Variants in IGFN1 observed in about 807,000 individuals in gnomAD.
The protein encoded by IGFN1 is immunoglobulin-like and fibronectin type III domain-containing protein 1.
A neutral mutation model predicts 289.5 loss-of-function variants in IGFN1; 253 were observed. The observed-to-expected ratio is 0.87, with a 90% confidence interval of 0.79 to 0.97. The LOEUF is 0.97. Among genes scored for constraint, IGFN1 ranks in the 50% least tolerant of loss-of-function variants. The pLI is 0.00. For missense variants in IGFN1, 4,470 were observed against 4,686.1 expected, an observed-to-expected ratio of 0.95 and a Z score of 1.35; for synonymous variants, 1,706 against 1,788.5, an observed-to-expected ratio of 0.95 and a Z score of 1.16.
chr1:201,211,690 C>G lies in IGFN1; in HGVS notation c.6797C>G (p.Thr2266Arg), dbSNP rs955257512. The G allele has an allele frequency of 9.1e-6, 14 of 1,536,844 alleles. No individual in the cohort carries two copies. The African/African-American group carries it at 1.9e-4, about 21-fold the overall frequency. The part of the protein sequence containing the change: ...APEEMGSGSY[T>R]DYRNGLGSSG... ...GAGGAAATGGGTTCAGGCAGTTACA[C>G]AGATTACAGGAATGGTTTAGGCAGT... Residue 2266 changes from threonine to arginine, a missense_variant, in exon 12 of 24, where the codon ACA (threonine) becomes AGA (arginine). This residue lies in a region of IGFN1 where 2,218 missense variants were observed against 2,114.1 expected (regional missense o/e 1.05). Coordinates refer to ENST00000335211, the MANE Select transcript of IGFN1 (RefSeq NM_001164586.2).
chr1:201,225,804 C>A lies in IGFN1; in HGVS notation c.10487-20C>A. On this transcript the variant is annotated intron_variant, in intron 21 of 23. Transcript: ENST00000335211. Reference sequence around the variant, plus strand: ...GCTGGGTCCCCTCCACGTGACCTCCCTCTGCCGTCTCTCCTGAAGCATGCC... The same window carrying A: ...GCTGGGTCCCCTCCACGTGACCTCCATCTGCCGTCTCTCCTGAAGCATGCC... The A allele has an allele frequency of 6.3e-7, 1 of 1,595,648 alleles. No homozygotes were observed. Among genetic ancestry groups the A allele is most frequent in the Non-Finnish European group, 8.5e-7 (1 of 1,172,364 alleles).
At position 201,195,809 on chromosome 1, in the gene IGFN1, A is replaced by G. The variant is rs746007570; in HGVS notation, c.128-30A>G. 1.3e-5 allele frequency: 20 copies of G among 1,542,036 alleles called. 1 individual carries two copies. In the South Asian group the frequency reaches 2.2e-4, roughly 17 times the overall value. On this transcript the variant is annotated intron_variant, in intron 3 of 23. Coordinates refer to ENST00000335211, the MANE Select transcript of IGFN1 (RefSeq NM_001164586.2). Reference sequence around the variant, plus strand: ...TACAGTCACCCTCTCCCAACTTGTCAGTCTCCCTACTCGTCTCTTCCTGCT... The same window carrying G: ...TACAGTCACCCTCTCCCAACTTGTCGGTCTCCCTACTCGTCTCTTCCTGCT...
intron 18 of IGFN1, among the ~76,000 whole-genome samples, chr1:201,219,433 T>C (rs1653561921): frequency 6.6e-6 from 1 of 152,158 alleles, no homozygotes; most frequent in South Asian, 2.1e-4. Context: ...CAGCAAAAAA[T>C]GTCTGTGATT....
chr1:201,215,562 G>A lies in IGFN1; in HGVS notation c.9019G>A (p.Val3007Met). The A allele has an allele frequency of 6.3e-7, 1 of 1,597,632 alleles. No homozygotes were observed. Among genetic ancestry groups the A allele is most frequent in the Non-Finnish European group, 8.5e-7 (1 of 1,171,580 alleles). Reference protein sequence around the residue: ...VQDSPTIAPDVTEKLREPLVV... With the variant: ...VQDSPTIAPDMTEKLREPLVV... ...AGATTCCCCTACCATTGCTCCAGAT[G>A]TGACAGAGAAACTGAGAGAGCCACT... Residue 3007 changes from valine to methionine, a missense_variant, in exon 15 of 24, where the codon GTG becomes ATG. Physicochemically the swap from Val to Met is conservative, Grantham distance 21. Transcript: ENST00000335211.
chr1:201,191,857 C>T (rs1270078437), intron 1 of IGFN1, among the ~76,000 whole-genome samples: 3 of 152,074 alleles, frequency 2.0e-5, no homozygotes, highest in Non-Finnish European at 4.4e-5. Flanking sequence ...GATAGCTGCT[C>T]GTGGTGATGA....
chr1:201,195,628 G>A (rs1205558683), intron 3 of IGFN1, among the ~76,000 whole-genome samples: 1 of 152,204 alleles, frequency 6.6e-6, no homozygotes, highest in East Asian at 1.9e-4. Flanking sequence ...TATAGAAAGA[G>A]GAAGCACTGC....
chr1:201,213,288 G>T lies in IGFN1; in HGVS notation c.8395G>T (p.Gly2799Trp). ...TCCTGGGGCCCTAAAGGAGGATGAA[G>T]GGCAGGGAGTGGAAGAGGCTGGGAG... ...QGPGALKEDE[G>W]QGVEEAGRSG... Residue 2799 changes from glycine to tryptophan, a missense_variant, in exon 12 of 24, where the codon GGG becomes TGG. Gly to Trp is a radical substitution (Grantham distance 184, BLOSUM62 -2). Around this residue, in one of 8 missense-constraint regions of IGFN1, gnomAD observed 2,218 missense variants for 2,114.1 expected, o/e 1.05. Coordinates refer to ENST00000335211, the MANE Select transcript of IGFN1 (RefSeq NM_001164586.2). 2 of 1,560,744 alleles carry T rather than the reference G, an allele frequency of 1.3e-6. No homozygotes were observed. Among genetic ancestry groups the T allele is most frequent in the Non-Finnish European group, 1.7e-6 (2 of 1,152,066 alleles).
rs917251097 is a variant in IGFN1, at chr1:201,212,321, T to A, written c.7428T>A (p.Pro2476=). The A allele has an allele frequency of 3.3e-6, 5 of 1,536,532 alleles. No individual in the cohort carries two copies. Among genetic ancestry groups the A allele is most frequent in the Admixed American group, 3.9e-5 (2 of 50,960 alleles). The change falls in exon 12 of 24, where the codon CCT becomes CCA. Residue 2476 remains proline (P), a synonymous_variant. Transcript: ENST00000335211. ...DLGGYGTSGI[P]EASEAAGAKG... ...GGGGCTATGGAACTTCAGGGATCCC[T>A]GAGGCCTCGGAGGCTGCTGGTGCCA...
intron 18 of IGFN1, among the ~76,000 whole-genome samples, chr1:201,219,600 C>A (rs950669373): frequency 5.3e-5 from 8 of 152,224 alleles, no homozygotes; most frequent in Admixed American, 4.6e-4. Context: ...TATTTCTCAT[C>A]CCCTAATCAG....
chr1:201,219,739 T>G (rs943244040), intron 18 of IGFN1, among the ~76,000 whole-genome samples: 1 of 152,226 alleles, frequency 6.6e-6, no homozygotes, highest in East Asian at 1.9e-4. Context: ...TCAGGCTGTT[T>G]GAATGAACCC....
At position 201,218,660 on chromosome 1, in the gene IGFN1, T is replaced by A; in HGVS notation, c.9898+2T>A. ...CTGTCTTTGCTCGGGACCCCATGAG[T>A]AAGTAGGGCACCAACCCAGGATGGG... On this transcript the variant is annotated splice_donor_variant, in intron 18 of 23. Transcript: ENST00000335211. LOFTEE classifies it high-confidence loss of function. 6.2e-7 allele frequency: 1 copy of A among 1,601,588 alleles called. No individual in the cohort carries two copies. Among genetic ancestry groups the A allele is most frequent in the Non-Finnish European group, 8.5e-7 (1 of 1,178,144 alleles).
chr1:201,199,451 C>A, intron 6 of IGFN1, 73 bp downstream of exon 6: 1 of 1,473,126 alleles, frequency 6.8e-7, no homozygotes, highest in South Asian at 1.2e-5. Context: ...TGTTCCCTGC[C>A]TGGTTGAGCT....
At chr1:201,228,362 A>G (rs767010035) in intron 23 of IGFN1, 24 bp from the exon 24 acceptor site, 3 of 1,613,664 alleles carry the variant, frequency 1.9e-6, no homozygotes, top group Admixed American at 3.3e-5. Flanking sequence ...CTCTGAACCA[A>G]CTGGAATATC....
chr1:201,199,636 G>C lies in IGFN1; in HGVS notation c.440G>C (p.Arg147Pro). The C allele has an allele frequency of 1.3e-6, 2 of 1,551,538 alleles. No individual in the cohort carries two copies. Among genetic ancestry groups the C allele is most frequent in the Middle Eastern group, 3.3e-4 (2 of 5,992 alleles). The change falls in exon 7 of 24, where the codon CGG becomes CCG. Residue 147 changes from arginine (R) to proline (P), a missense_variant. Arg to Pro is a moderately radical substitution (Grantham distance 103). Coordinates refer to ENST00000335211, the MANE Select transcript of IGFN1 (RefSeq NM_001164586.2). ...CTCAGGAAGGAGCTGATGGACTTCC[G>C]GAAGTTGCTGAAAAAGAGGTGGGTT... ...EDLRKELMDF[R>P]KLLKKRAPPA... is the part of the protein sequence containing the mutation.
At chr1:201,191,081 T>G (rs1666639894) in intron 1 of IGFN1, among the ~76,000 whole-genome samples, 174 bp downstream of exon 1, 1 of 152,176 alleles carries the variant, frequency 6.6e-6, no homozygotes, top group Non-Finnish European at 1.5e-5. Context: ...CTGTATCCCC[T>G]CTAGGTTACT....
At position 201,210,655 on chromosome 1, in the gene IGFN1, T is replaced by A. The variant is rs562932605; in HGVS notation, c.5762T>A (p.Val1921Glu). 2.4e-4 allele frequency: 359 copies of A among 1,499,320 alleles called. 1 individual carries two copies. In the South Asian group the frequency reaches 4.1e-3, roughly 17 times the overall value. 92.9% of individuals were successfully genotyped at this position (1,499,320 alleles called of 1,614,324 possible). A position where few individuals can be genotyped will look rare whatever the true frequency, so the allele number is the denominator to read the frequency against. Reference sequence around the variant, plus strand: ...GGGAGTTCTGTAGAAATGGGGTCAGTGAATGAGGCAGGTTATAGGAAGGAT... The same window carrying A: ...GGGAGTTCTGTAGAAATGGGGTCAGAGAATGAGGCAGGTTATAGGAAGGAT... ...GLGSSVEMGS[V>E]NEAGYRKDLG... is the part of the protein sequence containing the mutation. Residue 1921 changes from valine (V) to glutamate (E), a missense_variant, in exon 12 of 24, where the codon GTG becomes GAG. Physicochemically the swap from Val to Glu is moderately radical, Grantham distance 121 (BLOSUM62 -2). Transcript: ENST00000335211.
intron 9 of IGFN1, among the ~76,000 whole-genome samples, chr1:201,202,359 G>A (rs1018043779): frequency 2.6e-5 from 4 of 152,174 alleles, no homozygotes; most frequent in Admixed American, 6.5e-5. Flanking sequence ...GTGAACTGGG[G>A]ATAATATAGG....
chr1:201,217,599 G>T (rs1012894030), intron 17 of IGFN1, 139 bp downstream of exon 17: 9 of 823,720 alleles, frequency 1.1e-5, no homozygotes, highest in Non-Finnish European at 1.5e-5. Flanking sequence ...ATTTTTCGTG[G>T]TCACAATGGG....
intron 4 of IGFN1, among the ~76,000 whole-genome samples, chr1:201,196,289 T>C (rs866172017): frequency 6.6e-6 from 1 of 152,204 alleles, no homozygotes; most frequent in Non-Finnish European, 1.5e-5. Flanking sequence ...TTTACTCTTT[T>C]TACCTCTGTC....
Sources: allele counts gnomAD v4.1 joint callset (sites outside exome capture counted in the v4.1 genomes callset), GRCh38; gene constraint gnomAD v4.1.1; regional missense constraint gnomAD v4.1.1; transcripts MANE v1.5; gene names NCBI Gene and HGNC (gene_info 2026-07-23, HGNC 2026-07-21).